Variants in TMEM132C observed in about 807,000 individuals in gnomAD.
TMEM132C encodes the protein protein phosphatase 1, regulatory subunit 152.
TMEM132C carries 29 observed loss-of-function variants against 61.4 expected under a neutral mutation model. That is an observed-to-expected ratio of 0.47 (90% CI 0.35 to 0.64). The LOEUF (loss-of-function observed/expected upper bound fraction) is 0.64. Among genes scored for constraint, TMEM132C ranks in the 30% least tolerant of loss-of-function variants. The pLI is 0.00. For synonymous variants in TMEM132C, 656 were observed against 633.1 expected, an observed-to-expected ratio of 1.04 and a Z score of -0.54; for missense variants, 1,408 against 1,476.9, an observed-to-expected ratio of 0.95 and a Z score of 0.76.
intron 4 of TMEM132C, among the ~76,000 whole-genome samples, chr12:128,620,370 A>G (rs929866651): frequency 1.3e-5 from 2 of 152,044 alleles, no homozygotes; most frequent in East Asian, 1.9e-4. Context: ...CTGCAGGTAT[A>G]CTCTAGTGGA....
rs570677118 is a variant in TMEM132C, at chr12:128,538,756, C to T, written c.975-5201C>T. On this transcript the variant is annotated intron_variant, in intron 2 of 8. Transcript: ENST00000435159. ...TTTTAGGCAATATCTATAAATTTCC[C>T]ACTATGGAGAATTAGGATATATCTC... is the stretch of plus-strand genomic sequence containing the variant. Among the ~76,000 whole-genome samples the T allele has an allele frequency of 9.9e-5, 15 of 152,220 alleles. No homozygotes were observed. In the South Asian group the frequency reaches 2.7e-3, roughly 27 times the overall value.
At chr12:128,513,875 A>G (rs1872642564) in intron 2 of TMEM132C, among the ~76,000 whole-genome samples, 1 of 152,194 alleles carries the variant, frequency 6.6e-6, no homozygotes, top group African/African-American at 2.4e-5. Flanking sequence ...AGCTGACCAA[A>G]AAGTGATCAA....
At chr12:128,663,002 G>A (rs545172525) in intron 4 of TMEM132C, among the ~76,000 whole-genome samples, 51 of 152,262 alleles carry the variant, frequency 3.3e-4, no homozygotes, top group Non-Finnish European at 5.9e-4. Context: ...GAGGCCACGC[G>A]GGAGCCCAGA....
chr12:128,327,083 A>G (rs1189284120), intron 1 of TMEM132C, among the ~76,000 whole-genome samples: 1 of 150,084 alleles, frequency 6.7e-6, no homozygotes, highest in African/African-American at 2.5e-5. Flanking sequence ...CACACCATTT[A>G]TTCACTTAAT....
chr12:128,347,032 C>A, intron 1 of TMEM132C, among the ~76,000 whole-genome samples: 1 of 152,158 alleles, frequency 6.6e-6, no homozygotes, highest in East Asian at 1.9e-4. Context: ...GTCACCCGAG[C>A]AGTGTATACT....
At chr12:128,655,860 A>G (rs1179124520) in intron 4 of TMEM132C, among the ~76,000 whole-genome samples, 2 of 152,164 alleles carry the variant, frequency 1.3e-5, no homozygotes, top group African/African-American at 4.8e-5. Flanking sequence ...CACCATCTCA[A>G]GCATAAAAAG....
At chr12:128,323,029 C>G (rs1378401120) in intron 1 of TMEM132C, among the ~76,000 whole-genome samples, 4 of 152,224 alleles carry the variant, frequency 2.6e-5, no homozygotes, top group Non-Finnish European at 5.9e-5. Context: ...TGGAGAAGGT[C>G]TCTGCTCCTG....
chr12:128,586,153 G>A (rs1441019510), intron 3 of TMEM132C, among the ~76,000 whole-genome samples: 1 of 152,076 alleles, frequency 6.6e-6, no homozygotes, highest in Admixed American at 6.5e-5. Flanking sequence ...GGGGATTTGA[G>A]GAATTAAGGG....
At chr12:128,310,630 A>G (rs1198617631) in intron 1 of TMEM132C, among the ~76,000 whole-genome samples, 1 of 152,154 alleles carries the variant, frequency 6.6e-6, no homozygotes, top group Non-Finnish European at 1.5e-5. Context: ...GCCATTCATG[A>G]GGGATCCACC....
intron 2 of TMEM132C, among the ~76,000 whole-genome samples, chr12:128,483,328 GGT>G (rs1246014166): frequency 1.8e-3 from 249 of 140,702 alleles, no homozygotes; most frequent in East Asian, 2.4e-3. Flanking sequence ...AGGAGGGGAG[GGT>G]GGAGGAAGAA....
chr12:128,582,640 T>C (rs1312780388), intron 3 of TMEM132C, among the ~76,000 whole-genome samples: 6 of 152,208 alleles, frequency 3.9e-5, no homozygotes, highest in Non-Finnish European at 8.8e-5. Flanking sequence ...CAGGGGTTTC[T>C]GCTGTTGCAT....
intron 2 of TMEM132C, among the ~76,000 whole-genome samples, chr12:128,511,954 C>T (rs914727391): frequency 5.9e-5 from 9 of 152,290 alleles, no homozygotes; most frequent in African/African-American, 2.2e-4. Flanking sequence ...TTGTATCTGC[C>T]AAGACCACCT....
At chr12:128,321,128 C>A (rs1872315502) in intron 1 of TMEM132C, among the ~76,000 whole-genome samples, 1 of 135,434 alleles carries the variant, frequency 7.4e-6, no homozygotes, top group Non-Finnish European at 1.6e-5. Context: ...TCCAGGCTGC[C>A]ATTTTTGAAA....
At chr12:128,591,903 T>C (rs1293208095) in intron 3 of TMEM132C, among the ~76,000 whole-genome samples, 1 of 151,778 alleles carries the variant, frequency 6.6e-6, no homozygotes, top group African/African-American at 2.4e-5. Context: ...AATACAAAAA[T>C]TAGCCAGGCA....
intron 1 of TMEM132C, among the ~76,000 whole-genome samples, chr12:128,367,794 A>G (rs1873913914): frequency 6.6e-6 from 1 of 152,184 alleles, no homozygotes; most frequent in African/African-American, 2.4e-5. Context: ...TGTTCAAATG[A>G]TAATATTTTT....
chr12:128,344,306 T>C (rs1713626), intron 1 of TMEM132C, among the ~76,000 whole-genome samples: 124,950 of 152,090 alleles, frequency 0.82, 54,201 homozygotes, highest in East Asian at 0.97. Flanking sequence ...TACAGGAGCC[T>C]GCCACCACAT....
chr12:128,570,681 T>C lies in TMEM132C; in HGVS notation c.1121+26578T>C, dbSNP rs941229868. ...CTGCCATCTATGGCATGTGGTGGCT[T>C]TTCTCATGCTCACAGGATGACAGCT... is the stretch of plus-strand genomic sequence containing the variant. On this transcript the variant is annotated intron_variant, in intron 3 of 8. Transcript: ENST00000435159. The surrounding 1 kb of genome is among the most constrained non-coding windows in gnomAD (Gnocchi z 4.7). Among the ~76,000 whole-genome samples, 3 of 152,222 alleles carry C rather than the reference T, an allele frequency of 2.0e-5. No individual in the cohort carries two copies. The highest frequency in any genetic ancestry group is 4.4e-5 in the Non-Finnish European group (3 of 68,052).
At chr12:128,325,581 A>G (rs1429439639) in intron 1 of TMEM132C, among the ~76,000 whole-genome samples, 1 of 152,158 alleles carries the variant, frequency 6.6e-6, no homozygotes, top group East Asian at 1.9e-4. Context: ...AGTTACTTAA[A>G]ATGTGCAGTT....
intron 4 of TMEM132C, among the ~76,000 whole-genome samples, chr12:128,639,495 A>T (rs1954139487): frequency 6.6e-6 from 1 of 152,184 alleles, no homozygotes; most frequent in Non-Finnish European, 1.5e-5. Flanking sequence ...GTTTGAGAAT[A>T]GCCAAAAATC....
Sources: gnomAD v4.1 joint callset for allele counts (sites outside exome capture counted in the v4.1 genomes callset) on GRCh38, gnomAD v4.1.1 for gene constraint, Gnocchi (gnomAD v3.1) non-coding constraint, MANE v1.5 for transcripts, NCBI Gene and HGNC (gene_info 2026-07-23, HGNC 2026-07-21) for gene names.